GALNT13: variants seen among roughly 807,000 people sequenced by gnomAD.
The protein encoded by GALNT13 is polypeptide N-acetylgalactosaminyltransferase 13.
Under a neutral mutation model 64.2 loss-of-function variants are expected in GALNT13, and 28 were observed. The ratio of observed to expected loss-of-function variants is 0.44; its 90% CI spans 0.32 to 0.60. The LOEUF is 0.60. Among genes scored for constraint, GALNT13 ranks in the 20% least tolerant of loss-of-function variants. The probability of loss-of-function intolerance (pLI) is 0.05; values close to 1 mark genes in which losing one functional copy is unlikely to be tolerated. For missense variants in GALNT13, 577 were observed against 669.8 expected, an observed-to-expected ratio of 0.86 and a Z score of 1.53; for synonymous variants, 214 against 224.6, an observed-to-expected ratio of 0.95 and a Z score of 0.42.
At chr2:153,632,625 T>C in the GALNT13 span, among the ~76,000 whole-genome samples, 1 of 152,224 alleles carries the variant, frequency 6.6e-6, no homozygotes, top group African/African-American at 2.4e-5. Context: ...ATAAAACATA[T>C]AGGATACAAT....
intron 8 of GALNT13, among the ~76,000 whole-genome samples, chr2:154,259,530 C>G (rs1480117239): frequency 6.6e-6 from 1 of 152,076 alleles, no homozygotes; most frequent in African/African-American, 2.4e-5. Flanking sequence ...TCTCAGAAAA[C>G]TTTAAGAATG....
At chr2:153,570,620 G>T in the GALNT13 span, among the ~76,000 whole-genome samples, 1 of 152,042 alleles carries the variant, frequency 6.6e-6, no homozygotes, top group Admixed American at 6.5e-5. Context: ...AATCCATTTT[G>T]ATTTGATTTT....
rs908682626 is a variant in GALNT13, at chr2:153,900,952, G to A, written c.-160G>A. 2.0e-5 allele frequency: 3 copies of A among 152,086 alleles called. No homozygotes were observed. Among genetic ancestry groups the A allele is most frequent in the African/African-American group, 7.2e-5 (3 of 41,426 alleles). The allele number at this position is 152,086 out of a possible 1,614,324, so 9.4% of individuals were successfully genotyped here. A position where few individuals can be genotyped will look rare whatever the true frequency, so the allele number is the denominator to read the frequency against. On this transcript the variant is annotated 5_prime_UTR_variant, in exon 2 of 13. Transcript: ENST00000392825. The stretch of plus-strand genomic sequence containing the variant: ...CCTCCACAGATGCATTTTTGTAGAA[G>A]CATTTTGAGGATGAATGTTTGCAAA...
intron 10 of GALNT13, among the ~76,000 whole-genome samples, chr2:154,402,655 G>A (rs1699350901): frequency 6.6e-6 from 1 of 152,218 alleles, no homozygotes; most frequent in African/African-American, 2.4e-5. Flanking sequence ...TTCTGGAACA[G>A]ACTTTGTGAA....
chr2:154,354,061 C>T (rs1696571413), intron 9 of GALNT13, among the ~76,000 whole-genome samples: 1 of 152,160 alleles, frequency 6.6e-6, no homozygotes, highest in Non-Finnish European at 1.5e-5. Context: ...TCTACCCCCA[C>T]CACCGTTTGC....
At chr2:153,133,509 A>T in the GALNT13 span, among the ~76,000 whole-genome samples, 2 of 151,632 alleles carry the variant, frequency 1.3e-5, no homozygotes, top group Non-Finnish European at 2.9e-5. Flanking sequence ...AATAAATTCA[A>T]TTTTTCTCAC....
At chr2:153,627,190 A>C in the GALNT13 span, among the ~76,000 whole-genome samples, 1 of 152,074 alleles carries the variant, frequency 6.6e-6, no homozygotes, top group Non-Finnish European at 1.5e-5. Context: ...GTACACTGAA[A>C]AGATGGAAAA....
At chr2:153,341,785 G>A in the GALNT13 span, among the ~76,000 whole-genome samples, 1 of 152,104 alleles carries the variant, frequency 6.6e-6, no homozygotes, top group Non-Finnish European at 1.5e-5. Context: ...TATGGAAAGG[G>A]CCACTTCCTT....
chr2:154,010,010 G>A (rs1265066032), intron 3 of GALNT13, among the ~76,000 whole-genome samples: 2 of 152,140 alleles, frequency 1.3e-5, no homozygotes. Context: ...CATTGATTTT[G>A]TGTCCTGAAA....
the GALNT13 span, among the ~76,000 whole-genome samples, chr2:153,677,817 C>T: frequency 6.6e-6 from 1 of 152,060 alleles, no homozygotes; most frequent in Admixed American, 6.6e-5. Flanking sequence ...GATAGTGTAA[C>T]TGCCTAGTCA....
the GALNT13 span, among the ~76,000 whole-genome samples, chr2:153,450,577 AT>A: frequency 6.0e-4 from 88 of 147,012 alleles, no homozygotes; most frequent in South Asian, 2.4e-3. Context: ...CTAGGTTTGA[AT>A]TTTTTTTTTT....
chr2:153,554,582 C>T, the GALNT13 span, among the ~76,000 whole-genome samples: 1 of 151,904 alleles, frequency 6.6e-6, no homozygotes, highest in Non-Finnish European at 1.5e-5. Flanking sequence ...AGTTGTAGAC[C>T]AAGCACTGTT....
At chr2:153,247,370 C>CTA in the GALNT13 span, among the ~76,000 whole-genome samples, 1 of 152,210 alleles carries the variant, frequency 6.6e-6, no homozygotes, top group East Asian at 1.9e-4. Context: ...ATTCTAATAT[C>CTA]TACTACATAA....
intron 3 of GALNT13, among the ~76,000 whole-genome samples, chr2:154,003,420 G>C (rs1696043931): frequency 6.6e-6 from 1 of 152,130 alleles, no homozygotes; most frequent in African/African-American, 2.4e-5. Flanking sequence ...TGTCATTTTT[G>C]TGGCTCAGGG....
the GALNT13 span, among the ~76,000 whole-genome samples, chr2:153,243,632 G>T: frequency 6.9e-6 from 1 of 144,526 alleles, no homozygotes; most frequent in Non-Finnish European, 1.5e-5. Context: ...TGGGAATGTG[G>T]TTTTTGCCTG....
intron 3 of GALNT13, among the ~76,000 whole-genome samples, chr2:154,116,181 G>A (rs1681548182): frequency 6.6e-6 from 1 of 152,136 alleles, no homozygotes; most frequent in Non-Finnish European, 1.5e-5. Flanking sequence ...TAGGGATGGG[G>A]AAGCTGTTTC....
intron 3 of GALNT13, among the ~76,000 whole-genome samples, chr2:154,036,706 T>C (rs1461234598): frequency 6.6e-6 from 1 of 152,102 alleles, no homozygotes; most frequent in East Asian, 1.9e-4. Flanking sequence ...TACTTTGACC[T>C]CTACAACCTA....
chr2:154,322,140 T>C (rs1029927575), intron 9 of GALNT13, among the ~76,000 whole-genome samples: 18 of 138,620 alleles, frequency 1.3e-4, no homozygotes, highest in African/African-American at 3.7e-4. Flanking sequence ...TTCTAAAATA[T>C]GTACTTTTTT....
At chr2:153,477,808 T>C in the GALNT13 span, 1 of 173,118 alleles carries the variant, frequency 5.8e-6, no homozygotes, top group Non-Finnish European at 1.2e-5. Context: ...ACCCCATGAG[T>C]CTGCTGCGTG....
Sources: gnomAD v4.1 joint callset for allele counts (sites outside exome capture counted in the v4.1 genomes callset) on GRCh38, gnomAD v4.1.1 for gene constraint, MANE v1.5 for transcripts, NCBI Gene and HGNC (gene_info 2026-07-23, HGNC 2026-07-21) for gene names.